The following TRPS1 variants were observed in gnomAD, a reference collection of about 807,000 sequenced individuals.
TRPS1 encodes transcriptional repressor GATA binding 1, also known as zinc finger transcription factor Trps1.
In TRPS1, 6 loss-of-function variants were observed where a neutral mutation model predicts 101.2. The ratio of observed to expected loss-of-function variants is 0.06; its 90% CI spans 0.03 to 0.12. TRPS1 has a LOEUF of 0.12. TRPS1 is among the 10% of genes least tolerant of loss of function. The pLI is 1.00. For synonymous variants in TRPS1, 578 were observed against 589.8 expected (o/e 0.98, Z 0.29); for missense variants, 1,363 against 1,567.0 (o/e 0.87, Z 2.20).
intron 5 of TRPS1, among the ~76,000 whole-genome samples, chr8:115,460,298 G>C (rs1295248206): frequency 6.6e-6 from 1 of 151,612 alleles, no homozygotes; most frequent in Non-Finnish European, 1.5e-5. Context: ...AGTTTACCCA[G>C]TACATCAAGT....
At chr8:115,467,389 G>A (rs1327518030) in intron 5 of TRPS1, among the ~76,000 whole-genome samples, 1 of 151,188 alleles carries the variant, frequency 6.6e-6, no homozygotes, top group Non-Finnish European at 1.5e-5. Context: ...ACTGAGGTGT[G>A]AATGGAGGAT....
intron 4 of TRPS1, among the ~76,000 whole-genome samples, chr8:115,596,655 CAT>C (rs1817791773): frequency 6.6e-6 from 1 of 151,410 alleles, no homozygotes; most frequent in Non-Finnish European, 1.5e-5. Flanking sequence ...ACATGAGTAT[CAT>C]ATACATATAT....
intron 5 of TRPS1, among the ~76,000 whole-genome samples, chr8:115,568,501 C>G (rs1817122671): frequency 6.6e-6 from 1 of 151,882 alleles, no homozygotes; most frequent in African/African-American, 2.4e-5. Flanking sequence ...AAAAAATTAT[C>G]AACAAATTAG....
At chr8:115,448,116 A>AAAC (rs958512446) in intron 5 of TRPS1, among the ~76,000 whole-genome samples, 1 of 152,194 alleles carries the variant, frequency 6.6e-6, no homozygotes, top group East Asian at 1.9e-4. Flanking sequence ...TTTGTAAACT[A>AAAC]AACAACAACA....
intron 5 of TRPS1, among the ~76,000 whole-genome samples, chr8:115,467,009 CTT>C (rs970624068): frequency 1.1e-4 from 17 of 152,026 alleles, no homozygotes; most frequent in African/African-American, 4.1e-4. Context: ...TCTTTGTAAT[CTT>C]ATCCTGTAAT....
chr8:115,612,733 G>C (rs1423124501), intron 3 of TRPS1, among the ~76,000 whole-genome samples: 1 of 152,162 alleles, frequency 6.6e-6, no homozygotes, highest in Non-Finnish European at 1.5e-5. Flanking sequence ...AAGGAGAAAT[G>C]CTAGGCCAGG....
intron 5 of TRPS1, among the ~76,000 whole-genome samples, chr8:115,457,270 A>G (rs1385154398): frequency 6.6e-6 from 1 of 152,236 alleles, no homozygotes; most frequent in African/African-American, 2.4e-5. Context: ...AGAATATTAT[A>G]CAGCCTTAAA....
At chr8:115,420,050 T>G (rs577165026) in intron 5 of TRPS1, among the ~76,000 whole-genome samples, 4 of 152,204 alleles carry the variant, frequency 2.6e-5, no homozygotes, top group East Asian at 3.8e-4. Context: ...ATTGCCCTTT[T>G]AAACCAAGAA....
chr8:115,533,460 C>CTTTTTTTTTTTTTT (rs1816200851), intron 5 of TRPS1, among the ~76,000 whole-genome samples: 1 of 95,998 alleles, frequency 1.0e-5, no homozygotes, highest in African/African-American at 4.9e-5. Context: ...TTTTTTTTTT[C>CTTTTTTTTTTTTTT]CTGAAAAAAA....
chr8:115,421,343 G>C (rs567354878), intron 5 of TRPS1, among the ~76,000 whole-genome samples: 1 of 150,736 alleles, frequency 6.6e-6, no homozygotes, highest in Admixed American at 6.6e-5. Context: ...GATGTAGTAA[G>C]TGCTCAAATC....
intron 5 of TRPS1, among the ~76,000 whole-genome samples, chr8:115,503,334 T>C (rs1815365956): frequency 6.6e-6 from 1 of 150,738 alleles, no homozygotes. Context: ...ATTGAACCAC[T>C]GTCCAGGGCT....
chr8:115,524,661 C>T (rs1354379772), intron 5 of TRPS1, among the ~76,000 whole-genome samples: 1 of 151,950 alleles, frequency 6.6e-6, no homozygotes, highest in Non-Finnish European at 1.5e-5. Context: ...AAGGCACATG[C>T]CATTTGTATT....
intron 5 of TRPS1, among the ~76,000 whole-genome samples, chr8:115,525,376 C>T (rs946822570): frequency 1.3e-5 from 2 of 152,060 alleles, no homozygotes; most frequent in African/African-American, 2.4e-5. Flanking sequence ...AAAGAAGAAG[C>T]TGTATTCTAT....
At chr8:115,464,603 T>C (rs1327899052) in intron 5 of TRPS1, among the ~76,000 whole-genome samples, 1 of 152,146 alleles carries the variant, frequency 6.6e-6, no homozygotes, top group Non-Finnish European at 1.5e-5. Flanking sequence ...TGCAACAATA[T>C]GTGACAAAAC....
At chr8:115,502,155 G>A (rs756888724) in intron 5 of TRPS1, among the ~76,000 whole-genome samples, 3 of 151,944 alleles carry the variant, frequency 2.0e-5, no homozygotes, top group African/African-American at 4.8e-5. Flanking sequence ...GATTTGAATC[G>A]CCTTTTTTTC....
chr8:115,518,330 A>G (rs556484232), intron 5 of TRPS1, among the ~76,000 whole-genome samples: 6 of 151,986 alleles, frequency 3.9e-5, no homozygotes, highest in Admixed American at 1.3e-4. Flanking sequence ...AGCAAAAACT[A>G]TTCTCACTCT....
At chr8:115,538,637 T>A (rs1314367302) in intron 5 of TRPS1, among the ~76,000 whole-genome samples, 4 of 151,868 alleles carry the variant, frequency 2.6e-5, no homozygotes, top group Non-Finnish European at 5.9e-5. Flanking sequence ...CTGAGATGCA[T>A]TCATTTTTCT....
intron 5 of TRPS1, among the ~76,000 whole-genome samples, chr8:115,569,056 T>C (rs1817139104): frequency 6.6e-6 from 1 of 152,142 alleles, no homozygotes; most frequent in South Asian, 2.1e-4. Context: ...AAATGACTTT[T>C]ACTACATCAC....
intron 5 of TRPS1, among the ~76,000 whole-genome samples, chr8:115,517,968 C>G (rs551942009): frequency 0.46 from 838 of 1,838 alleles, 9 homozygotes; most frequent in African/African-American, 0.49. Context: ...AAAACTGGAT[C>G]CAGTAGATGT....
Sources: allele counts gnomAD v4.1 joint callset (sites outside exome capture counted in the v4.1 genomes callset), GRCh38; gene constraint gnomAD v4.1.1; transcripts MANE v1.5; gene names NCBI Gene and HGNC (gene_info 2026-07-23, HGNC 2026-07-21).